Variants in TRABD2B observed in about 807,000 individuals in gnomAD.
TRABD2B encodes the protein metalloprotease TIKI2.
A neutral mutation model predicts 40.1 loss-of-function variants in TRABD2B; 14 were observed. The observed-to-expected ratio is 0.35, with a 90% CI of 0.23 to 0.55. TRABD2B has a LOEUF of 0.55. Among genes scored for constraint, TRABD2B ranks in the 20% least tolerant of loss-of-function variants. The pLI is 0.90. For synonymous variants in TRABD2B, 263 were observed against 277.0 expected (o/e 0.95, Z 0.50); for missense variants, 541 against 648.6 (o/e 0.83, Z 1.80).
intron 2 of TRABD2B, among the ~76,000 whole-genome samples, chr1:47,812,371 G>A (rs916975738): frequency 2.0e-5 from 3 of 152,184 alleles, no homozygotes; most frequent in Admixed American, 6.5e-5. Flanking sequence ...CCCAGCCTGG[G>A]AGTCGGTGAG....
chr1:47,915,550 G>C (rs1644819891), intron 2 of TRABD2B, among the ~76,000 whole-genome samples: 1 of 152,152 alleles, frequency 6.6e-6, no homozygotes, highest in African/African-American at 2.4e-5. Context: ...GTTCCAAGAG[G>C]AAAATAGGTG....
intron 2 of TRABD2B, chr1:47,819,265 G>C (rs1645075449): frequency 6.6e-6 from 1 of 152,282 alleles, no homozygotes; most frequent in Non-Finnish European, 1.5e-5. Flanking sequence ...CAGGGCGGGA[G>C]GATCACGGCC....
intron 2 of TRABD2B, among the ~76,000 whole-genome samples, chr1:47,860,565 T>C (rs966504955): frequency 6.6e-6 from 1 of 152,196 alleles, no homozygotes; most frequent in Admixed American, 6.5e-5. Context: ...GATTCCTGAA[T>C]GACTTTTCTC....
intron 2 of TRABD2B, among the ~76,000 whole-genome samples, chr1:47,975,144 CAT>C (rs1645737784): frequency 6.6e-6 from 1 of 152,260 alleles, no homozygotes; most frequent in South Asian, 2.1e-4. Flanking sequence ...ATCTGAGTAA[CAT>C]ATGGACTTTA....
intron 2 of TRABD2B, among the ~76,000 whole-genome samples, chr1:47,839,216 C>T (rs1196602174): frequency 6.6e-6 from 1 of 152,072 alleles, no homozygotes; most frequent in Non-Finnish European, 1.5e-5. Flanking sequence ...AGTCTATTCT[C>T]AGAGAAGAGA....
chr1:47,972,499 T>C (rs1276662937), intron 2 of TRABD2B, among the ~76,000 whole-genome samples: 1 of 152,128 alleles, frequency 6.6e-6, no homozygotes, highest in East Asian at 1.9e-4. Context: ...TTAGCACCCT[T>C]ATAAAAGAGA....
intron 2 of TRABD2B, chr1:47,819,952 C>A (rs929270170): frequency 6.6e-6 from 1 of 152,098 alleles, no homozygotes; most frequent in African/African-American, 2.4e-5. Context: ...CCCCACTTGC[C>A]CTCACTTTCT....
intron 2 of TRABD2B, among the ~76,000 whole-genome samples, chr1:47,862,185 AAAGC>A (rs1339471612): frequency 5.3e-5 from 8 of 152,342 alleles, no homozygotes; most frequent in African/African-American, 1.7e-4. Flanking sequence ...GATCAGGAAC[AAAGC>A]AAGGATGTCC....
intron 2 of TRABD2B, among the ~76,000 whole-genome samples, chr1:47,962,004 A>T (rs546527369): frequency 1.3e-5 from 2 of 152,204 alleles, no homozygotes; most frequent in African/African-American, 2.4e-5. Flanking sequence ...AAAATGTGGC[A>T]CATATACACC....
At chr1:47,900,455 A>G (rs1372137019) in intron 2 of TRABD2B, among the ~76,000 whole-genome samples, 1 of 152,186 alleles carries the variant, frequency 6.6e-6, no homozygotes, top group Non-Finnish European at 1.5e-5. Flanking sequence ...TTGTATAATT[A>G]TCTTATCCTT....
At chr1:47,889,769 G>A (rs1455676290) in intron 2 of TRABD2B, among the ~76,000 whole-genome samples, 6 of 152,232 alleles carry the variant, frequency 3.9e-5, no homozygotes, top group Admixed American at 1.3e-4. Flanking sequence ...GAGCCAGGCA[G>A]TACCCTGCCA....
chr1:47,909,463 A>AGAAGGG (rs1557650834), intron 2 of TRABD2B, among the ~76,000 whole-genome samples: 10 of 133,944 alleles, frequency 7.5e-5, no homozygotes, highest in Non-Finnish European at 4.8e-5. Context: ...AAGGAGAAGG[A>AGAAGGG]GAAGGGGAAG....
chr1:47,893,613 C>T (rs1296659840), intron 2 of TRABD2B, among the ~76,000 whole-genome samples: 2 of 152,210 alleles, frequency 1.3e-5, no homozygotes. Flanking sequence ...TGACACTTGG[C>T]TATGAGCTTT....
At chr1:47,829,266 A>C (rs1645217483) in intron 2 of TRABD2B, among the ~76,000 whole-genome samples, 1 of 152,066 alleles carries the variant, frequency 6.6e-6, no homozygotes, top group Non-Finnish European at 1.5e-5. Context: ...TTCTTCTTTC[A>C]AGGAGCAGTC....
intron 3 of TRABD2B, among the ~76,000 whole-genome samples, 187 bp downstream of exon 3, chr1:47,801,286 A>T (rs1644819648): frequency 6.6e-6 from 1 of 152,166 alleles, no homozygotes; most frequent in East Asian, 1.9e-4. Context: ...CTTAAAACTC[A>T]ACAACTCATA....
chr1:47,896,038 C>T lies in TRABD2B; in HGVS notation c.667-94419G>A, dbSNP rs146246403. Among the ~76,000 whole-genome samples the T allele has an allele frequency of 6.8e-3, 1,034 of 152,374 alleles. 43 individuals carry two copies. Among genetic ancestry groups the T allele is most frequent in the Admixed American group, 0.056 (851 of 15,308 alleles). On this transcript the variant is annotated intron_variant, in intron 2 of 6. Transcript: ENST00000606738. ...CCCAGCACTGGGCTTCACAGGCACA[C>T]ATTGTGATCTCCAGCCCCTAAACCA...
chr1:47,836,541 ATAGTAGG>A (rs1336597449), intron 2 of TRABD2B, among the ~76,000 whole-genome samples: 2 of 152,270 alleles, frequency 1.3e-5, no homozygotes, highest in Non-Finnish European at 2.9e-5. Context: ...TGCTTGGCAT[ATAGTAGG>A]TATCCAATAA....
rs1374297508 is a variant in TRABD2B at position 47,996,756 on chromosome 1, C to T, written c.34G>A (p.Ala12Thr). 1.6e-6 allele frequency: 2 copies of T among 1,218,608 alleles called. No individual in the cohort carries two copies. The highest frequency in any genetic ancestry group is 2.0e-6 in the Non-Finnish European group (2 of 978,962). The allele number at this position is 1,218,608 out of a possible 1,614,324, so 75.5% of individuals were successfully genotyped here. Residue 12 changes from alanine to threonine, a missense_variant, in exon 1 of 7, where the codon GCC (alanine) becomes ACC (threonine). Ala to Thr is a moderately conservative substitution (Grantham distance 58). Around this residue, in one of 2 missense-constraint regions of TRABD2B, gnomAD observed 369 missense variants for 492.8 expected, o/e 0.75. Transcript: ENST00000606738. This position sits in a 1 kb window ranked among gnomAD's most constrained non-coding sequence, Gnocchi z 4.6. ...HAALAGPLLA[A>T]LLATARARPQ... ...CGGGCGCGAGCGGTGGCGAGGAGGG[C>T]GGCGAGCAGCGGCCCCGCCAGGGCG...
chr1:47,979,195 A>AG (rs146489866), intron 2 of TRABD2B, among the ~76,000 whole-genome samples: 7,360 of 152,192 alleles, frequency 0.048, 594 homozygotes, highest in African/African-American at 0.17. Context: ...CAATGCGGGA[A>AG]GGGGGCTTCC....
Sources: allele counts gnomAD v4.1 joint callset (sites outside exome capture counted in the v4.1 genomes callset), GRCh38; gene constraint gnomAD v4.1.1; regional missense constraint gnomAD v4.1.1; non-coding constraint Gnocchi (gnomAD v3.1); transcripts MANE v1.5; gene names NCBI Gene and HGNC (gene_info 2026-07-23, HGNC 2026-07-21).